Variants in TMPRSS11E observed in about 807,000 individuals in gnomAD.
TMPRSS11E encodes transmembrane protease serine 11E.
Under a neutral mutation model 48.1 loss-of-function variants are expected in TMPRSS11E, and 38 were observed. That is an observed-to-expected ratio of 0.79 (90% CI 0.61 to 1.04). The LOEUF is 1.04. TMPRSS11E is among the 50% of genes least tolerant of loss of function. TMPRSS11E has a pLI of 0.00. For synonymous variants in TMPRSS11E, 158 were observed against 171.9 expected, an observed-to-expected ratio of 0.92 and a Z score of 0.63; for missense variants, 530 against 510.8, an observed-to-expected ratio of 1.04 and a Z score of -0.36.
At position 68,488,189 on chromosome 4, in the gene TMPRSS11E, AATTTGT is replaced by A. The variant is rs561318576; in HGVS notation, c.1111-8451_1111-8446del. 1.6e-3 allele frequency among the ~76,000 whole-genome samples: 247 copies of A among 152,080 alleles called. 1 individual carries two copies. The highest frequency in any genetic ancestry group is 5.9e-3 in the African/African-American group (246 of 41,474). On this transcript the variant is annotated intron_variant, in intron 9 of 9. Coordinates refer to ENST00000305363, the MANE Select transcript of TMPRSS11E (RefSeq NM_014058.4). ...TCTCTGGGGTTCTCTGAATTTCTTG[AATTTGT>A]ATGTTAACCTCTGCAGCAAGATTGG...
chr4:68,487,027 A>C (rs893287659), intron 9 of TMPRSS11E, among the ~76,000 whole-genome samples: 1 of 151,906 alleles, frequency 6.6e-6, no homozygotes, highest in Non-Finnish European at 1.5e-5. Context: ...TGCATTTGAG[A>C]TGGGTCTCCT....
chr4:68,482,222 G>T (rs1729423725), intron 9 of TMPRSS11E, among the ~76,000 whole-genome samples: 3 of 152,010 alleles, frequency 2.0e-5, no homozygotes, highest in African/African-American at 7.3e-5. Context: ...ACTCACTATT[G>T]CAAAGATAAC....
rs184351497 is a variant in TMPRSS11E at position 68,487,746 on chromosome 4, G to A, written c.1110+8755G>A. Among the ~76,000 whole-genome samples the A allele has an allele frequency of 4.3e-3, 645 of 151,636 alleles. 7 individuals are homozygous for A. Among genetic ancestry groups the A allele is most frequent in the African/African-American group, 0.015 (615 of 41,346 alleles). ...TTCTTTAAGAATGCTGAATATACCA[G>A]CCTGGCCAACATGGTGAAACCCCAT... On this transcript the variant is annotated intron_variant, in intron 9 of 9. Coordinates refer to ENST00000305363, the MANE Select transcript of TMPRSS11E (RefSeq NM_014058.4).
At chr4:68,448,579 C>G (rs564831839) in intron 1 of TMPRSS11E, among the ~76,000 whole-genome samples, 2 of 151,970 alleles carry the variant, frequency 1.3e-5, no homozygotes, top group South Asian at 4.1e-4. Flanking sequence ...CAAGCCTTAT[C>G]TATGGTATAT....
At chr4:68,453,129 C>G (rs147623273) in intron 1 of TMPRSS11E, among the ~76,000 whole-genome samples, 1 of 152,008 alleles carries the variant, frequency 6.6e-6, no homozygotes, top group Non-Finnish European at 1.5e-5. Flanking sequence ...GTGGATTTTT[C>G]AACCCACCTT....
intron 5 of TMPRSS11E, among the ~76,000 whole-genome samples, chr4:68,472,444 C>T (rs1729100127): frequency 6.6e-6 from 1 of 151,894 alleles, no homozygotes; most frequent in Non-Finnish European, 1.5e-5. Context: ...TCAAATATTT[C>T]ACTTTTTTTT....
rs1560552556 is a variant in TMPRSS11E, at chr4:68,471,533, G to T, written c.400G>T (p.Val134Leu). 2 of 1,611,024 alleles carry T rather than the reference G, an allele frequency of 1.2e-6. No homozygotes were observed. The highest frequency in any genetic ancestry group is 1.7e-6 in the Non-Finnish European group (2 of 1,178,598). ...TCACTCTACTGAGGATCCTGAAACT[G>T]TAGATAAAATTGTTCAACTTGTTTT... ...RFHSTEDPET[V>L]DKIVQLVLHE... The change falls in exon 5 of 10, where the codon GTA becomes TTA. Residue 134 changes from valine (V) to leucine (L), a missense_variant. Transcript: ENST00000305363.
intron 9 of TMPRSS11E, among the ~76,000 whole-genome samples, chr4:68,484,149 A>T (rs913130830): frequency 2.0e-5 from 3 of 152,168 alleles, no homozygotes; most frequent in African/African-American, 7.2e-5. Flanking sequence ...AAATATTACA[A>T]CAGTTTTTAC....
chr4:68,464,263 T>C (rs1216726934), intron 2 of TMPRSS11E, among the ~76,000 whole-genome samples: 1 of 152,190 alleles, frequency 6.6e-6, no homozygotes, highest in African/African-American at 2.4e-5. Flanking sequence ...CAAAAAAATC[T>C]GTCACAGAAA....
At chr4:68,454,565 G>C (rs771637626) in intron 1 of TMPRSS11E, among the ~76,000 whole-genome samples, 1 of 151,780 alleles carries the variant, frequency 6.6e-6, no homozygotes, top group African/African-American at 2.4e-5. Flanking sequence ...TCTTTAATCA[G>C]GAAAACTCAC....
At chr4:68,487,507 C>T (rs1425216477) in intron 9 of TMPRSS11E, among the ~76,000 whole-genome samples, 4 of 152,070 alleles carry the variant, frequency 2.6e-5, no homozygotes, top group African/African-American at 9.7e-5. Context: ...CCACCTCGGC[C>T]TTCCAAAGTG....
Position 68,466,627 on chromosome 4 carries a change from G to A in TMPRSS11E, c.137-4G>A. On this transcript the variant is annotated splice_region_variant and splice_polypyrimidine_tract_variant and intron_variant, in intron 2 of 9. Transcript: ENST00000305363. ...ATGATAGTGTTTTGCTTCTTTCCTT[G>A]TAGATCAAAAGAAGACCTACAATTA... 1 of 1,610,986 alleles carries A rather than the reference G, an allele frequency of 6.2e-7. No homozygotes were observed.
At position 68,472,520 on chromosome 4, in the gene TMPRSS11E, C is replaced by T. The variant is rs1178111537; in HGVS notation, c.490+897C>T. Among the ~76,000 whole-genome samples, 112 of 152,114 alleles carry T rather than the reference C, an allele frequency of 7.4e-4. 1 individual carries two copies. The highest frequency in any genetic ancestry group is 1.2e-4 in the Non-Finnish European group (8 of 67,940). On this transcript the variant is annotated intron_variant, in intron 5 of 9. Coordinates refer to ENST00000305363, the MANE Select transcript of TMPRSS11E (RefSeq NM_014058.4). The stretch of plus-strand genomic sequence containing the variant: ...AGTACATTTCAATTTAGACTAGCCA[C>T]ACTGCAAAAGCTCATTGGCCACAGG...
intron 1 of TMPRSS11E, among the ~76,000 whole-genome samples, chr4:68,450,693 G>A (rs1048686953): frequency 6.6e-6 from 1 of 151,898 alleles, no homozygotes; most frequent in Admixed American, 6.6e-5. Flanking sequence ...TCATTTATAA[G>A]TTTTAAAAAC....
Position 68,447,527 on chromosome 4 carries a change from A to C in TMPRSS11E, c.11+4A>C, listed in dbSNP as rs767210753. 3 of 1,607,908 alleles carry C rather than the reference A, an allele frequency of 1.9e-6. No homozygotes were observed. In the African/African-American group the frequency reaches 4.0e-5, roughly 22 times the overall value. On this transcript the variant is annotated splice_donor_region_variant and intron_variant, in intron 1 of 9. Coordinates refer to ENST00000305363, the MANE Select transcript of TMPRSS11E (RefSeq NM_014058.4). ...GCTGGTTGGCAATGATGTATCGGTG[A>C]GTTAGTTCCCTTTTTCTTTCTAGAA...
At chr4:68,462,414 T>TA (rs34825904) in intron 2 of TMPRSS11E, among the ~76,000 whole-genome samples, 6,897 of 120,816 alleles carry the variant, frequency 0.057, 246 homozygotes, top group Non-Finnish European at 0.083. Flanking sequence ...CCGTGTCTAC[T>TA]AAAAAAAAAA....
At chr4:68,470,508 A>G (rs1039156218) in intron 4 of TMPRSS11E, among the ~76,000 whole-genome samples, 1 of 151,898 alleles carries the variant, frequency 6.6e-6, no homozygotes, top group Non-Finnish European at 1.5e-5. Context: ...TAACATGTTT[A>G]TAGGTATGTC....
At chr4:68,455,034 C>G (rs1240172406) in intron 1 of TMPRSS11E, among the ~76,000 whole-genome samples, 2 of 151,838 alleles carry the variant, frequency 1.3e-5, no homozygotes, top group Non-Finnish European at 2.9e-5. Flanking sequence ...AGAACTTATT[C>G]CTTCTATCTA....
intron 1 of TMPRSS11E, among the ~76,000 whole-genome samples, chr4:68,457,161 C>A (rs1728655208): frequency 6.6e-6 from 1 of 152,056 alleles, no homozygotes; most frequent in Admixed American, 6.5e-5. Flanking sequence ...ATTTATCTGA[C>A]AAAGGGCTAA....
Sources: allele counts gnomAD v4.1 joint callset (sites outside exome capture counted in the v4.1 genomes callset), GRCh38; gene constraint gnomAD v4.1.1; transcripts MANE v1.5; gene names NCBI Gene and HGNC (gene_info 2026-07-23, HGNC 2026-07-21).